Variants in LMBRD2 observed in about 807,000 individuals in gnomAD.
LMBRD2 encodes the protein LMBR1 domain containing 2.
A neutral mutation model predicts 94.4 loss-of-function variants in LMBRD2; 55 were observed. The ratio of observed to expected loss-of-function variants is 0.58; its 90% confidence interval spans 0.47 to 0.73. The LOEUF is 0.73. Ranked by LOEUF, LMBRD2 falls within the 30% of genes least tolerant of loss-of-function variation. The probability of loss-of-function intolerance (pLI) is 0.00; values close to 1 mark genes in which losing one functional copy is unlikely to be tolerated. For synonymous variants in LMBRD2, 246 were observed against 272.4 expected (o/e 0.90, Z 0.95); for missense variants, 640 against 831.9 (o/e 0.77, Z 2.84).
chr5:36,129,632 G>C (rs2111886939), intron 6 of LMBRD2, among the ~76,000 whole-genome samples: 1 of 152,242 alleles, frequency 6.6e-6, no homozygotes, highest in East Asian at 1.9e-4. Context: ...CGATCTGAAA[G>C]AAAAGGACAT....
At chr5:36,139,793 C>G (rs1744360689) in intron 4 of LMBRD2, among the ~76,000 whole-genome samples, 1 of 152,154 alleles carries the variant, frequency 6.6e-6, no homozygotes, top group Non-Finnish European at 1.5e-5. Flanking sequence ...GGACAACCTG[C>G]CTGCAGAAAG....
intron 17 of LMBRD2, 24 bp from the exon 18 acceptor site, chr5:36,104,130 G>T (rs1208247672): frequency 1.3e-6 from 2 of 1,566,916 alleles, no homozygotes; most frequent in Admixed American, 1.7e-5. Flanking sequence ...ATAAAGAAAT[G>T]ATCTGAGGCA....
rs138485444 is a variant in LMBRD2, at chr5:36,100,442, G to A, written c.*3604C>T. ...TAGTCAGAACTAGTTCCTTCTGAGC[G>A]TACCACTCATCAAAAACAACTCTGT... On this transcript the variant is annotated 3_prime_UTR_variant, in exon 18 of 18. Transcript: ENST00000296603. 3.6e-4 allele frequency: 55 copies of A among 151,972 alleles called. No homozygotes were observed. The highest frequency in any genetic ancestry group is 1.0e-3 in the South Asian group (5 of 4,818). The allele number at this position is 151,972 out of a possible 1,614,324, so 9.4% of individuals were successfully genotyped here.
In LMBRD2 at chr5:36,099,522, A is replaced by C. The variant is rs1743305475; in HGVS notation, c.*4524T>G. ...CGGAAGATGCTTGCCAGCATTGTTG[A>C]GAAATGCAGTTCCAAATTAGTAGGC... On this transcript the variant is annotated 3_prime_UTR_variant, in exon 18 of 18. Coordinates refer to ENST00000296603, the MANE Select transcript of LMBRD2 (RefSeq NM_001007527.2). The C allele has an allele frequency of 6.6e-6, 1 of 152,154 alleles. No homozygotes were observed. 9.4% of individuals were successfully genotyped at this position (152,154 alleles called of 1,614,324 possible).
chr5:36,128,110 G>A (rs1285413726), intron 6 of LMBRD2, among the ~76,000 whole-genome samples: 1 of 152,194 alleles, frequency 6.6e-6, no homozygotes, highest in Non-Finnish European at 1.5e-5. Flanking sequence ...AAGAATCTCT[G>A]CCTGGTGCTC....
At chr5:36,127,116 T>A (rs2111882249) in intron 6 of LMBRD2, among the ~76,000 whole-genome samples, 1 of 152,356 alleles carries the variant, frequency 6.6e-6, no homozygotes, top group East Asian at 1.9e-4. Flanking sequence ...TTTTCTACTC[T>A]AGAAAGTCAG....
intron 1 of LMBRD2, among the ~76,000 whole-genome samples, chr5:36,146,887 A>C (rs1744554361): frequency 6.6e-6 from 1 of 151,714 alleles, no homozygotes. Flanking sequence ...CAAACAAATT[A>C]ACATATCTAT....
intron 6 of LMBRD2, among the ~76,000 whole-genome samples, chr5:36,135,346 TA>T (rs1744246451): frequency 1.3e-5 from 2 of 152,220 alleles, no homozygotes; most frequent in Non-Finnish European, 2.9e-5. Flanking sequence ...AGGCAAATAG[TA>T]AGTCTATATA....
intron 6 of LMBRD2, among the ~76,000 whole-genome samples, chr5:36,125,132 A>G (rs1231025662): frequency 6.6e-6 from 1 of 152,204 alleles, no homozygotes; most frequent in Non-Finnish European, 1.5e-5. Flanking sequence ...AATTCTGAGT[A>G]TAAAAGGCAC....
At chr5:36,128,177 T>A (rs556638424) in intron 6 of LMBRD2, among the ~76,000 whole-genome samples, 2 of 152,192 alleles carry the variant, frequency 1.3e-5, no homozygotes, top group Admixed American at 6.5e-5. Context: ...ATCTCCAAGT[T>A]TGCAAGAACC....
intron 6 of LMBRD2, 109 bp from the exon 7 acceptor site, chr5:36,124,374 C>T (rs917632301): frequency 1.7e-6 from 1 of 593,720 alleles, no homozygotes; most frequent in African/African-American, 1.9e-5. Context: ...AACTTCAACA[C>T]AAATTACTTT....
At position 36,100,986 on chromosome 5, in the gene LMBRD2, C is replaced by T. The variant is rs904435423; in HGVS notation, c.*3060G>A. ...TAAATTTCAGAACTGATCATCTAAT[C>T]AAATAGTAGTCCAAAAAAATCAACT... On this transcript the variant is annotated 3_prime_UTR_variant, in exon 18 of 18. Coordinates refer to ENST00000296603, the MANE Select transcript of LMBRD2 (RefSeq NM_001007527.2). The T allele has an allele frequency of 6.6e-6, 1 of 151,960 alleles. No individual in the cohort carries two copies. Among genetic ancestry groups the T allele is most frequent in the Non-Finnish European group, 1.5e-5 (1 of 67,918 alleles). 9.4% of individuals were successfully genotyped at this position (151,960 alleles called of 1,614,324 possible). A position where few individuals can be genotyped will look rare whatever the true frequency, so the allele number is the denominator to read the frequency against.
At position 36,136,268 on chromosome 5, in the gene LMBRD2, T is replaced by A. The variant is rs1409847415; in HGVS notation, c.747+41A>T. ...AAAAATGACTAAAAGGGGATACATA[T>A]GACTTAGTGACTATTGCTTATAAGG... On this transcript the variant is annotated intron_variant, in intron 6 of 17. Transcript: ENST00000296603. 3.2e-6 allele frequency: 5 copies of A among 1,575,758 alleles called. No individual in the cohort carries two copies. The South Asian group carries it at 5.5e-5, about 17-fold the overall frequency.
intron 13 of LMBRD2, among the ~76,000 whole-genome samples, chr5:36,112,385 T>C (rs1743632672): frequency 6.6e-6 from 1 of 152,086 alleles, no homozygotes; most frequent in South Asian, 2.1e-4. Flanking sequence ...CAACTTATGC[T>C]CTCTAGGCAG....
At chr5:36,120,921 C>T (rs1467373388) in intron 9 of LMBRD2, among the ~76,000 whole-genome samples, 1 of 152,170 alleles carries the variant, frequency 6.6e-6, no homozygotes, top group Non-Finnish European at 1.5e-5. Context: ...AGTTACTTCT[C>T]ATCCACCTAA....
rs767587863 is a variant in LMBRD2, at chr5:36,137,266, T to C, written c.536+8A>G. 1 of 1,539,494 alleles carries C rather than the reference T, an allele frequency of 6.5e-7. No individual in the cohort carries two copies. Among genetic ancestry groups the C allele is most frequent in the African/African-American group, 1.4e-5 (1 of 73,464 alleles). On this transcript the variant is annotated splice_region_variant and intron_variant, in intron 5 of 17. Coordinates refer to ENST00000296603, the MANE Select transcript of LMBRD2 (RefSeq NM_001007527.2). The stretch of plus-strand genomic sequence containing the variant: ...TTAAAGCAATGTTAAGAAGACTACT[T>C]TTCTTACCATTCTAAATGTAAATGT...
rs1743383124 is a variant in LMBRD2, at chr5:36,103,250, C to A, written c.*796G>T. ...TTTTTCATTAATGCCTAGGATTTAT[C>A]CTTGAATATCATAATCAACATTTAA... On this transcript the variant is annotated 3_prime_UTR_variant, in exon 18 of 18. Transcript: ENST00000296603. 6.6e-6 allele frequency: 1 copy of A among 152,004 alleles called. No homozygotes were observed. The highest frequency in any genetic ancestry group is 1.5e-5 in the Non-Finnish European group (1 of 67,732). 9.4% of individuals were successfully genotyped at this position (152,004 alleles called of 1,614,324 possible).
chr5:36,100,977 T>C lies in LMBRD2; in HGVS notation c.*3069A>G, dbSNP rs1043111870. On this transcript the variant is annotated 3_prime_UTR_variant, in exon 18 of 18. Coordinates refer to ENST00000296603, the MANE Select transcript of LMBRD2 (RefSeq NM_001007527.2). Reference sequence around the variant, plus strand: ...CATGCAGCTTAAATTTCAGAACTGATCATCTAATCAAATAGTAGTCCAAAA... The same window carrying C: ...CATGCAGCTTAAATTTCAGAACTGACCATCTAATCAAATAGTAGTCCAAAA... 6.6e-6 allele frequency: 1 copy of C among 152,042 alleles called. No homozygotes were observed. The highest frequency in any genetic ancestry group is 2.4e-5 in the African/African-American group (1 of 41,446). The allele number at this position is 152,042 out of a possible 1,614,324, so 9.4% of individuals were successfully genotyped here.
intron 9 of LMBRD2, among the ~76,000 whole-genome samples, chr5:36,118,662 T>G (rs1743816504): frequency 6.6e-6 from 1 of 151,254 alleles, no homozygotes; most frequent in Non-Finnish European, 1.5e-5. Context: ...TTTGTTTTTT[T>G]TTTTTTGAGA....
Sources: gnomAD v4.1 joint callset for allele counts (sites outside exome capture counted in the v4.1 genomes callset) on GRCh38, gnomAD v4.1.1 for gene constraint, MANE v1.5 for transcripts, NCBI Gene and HGNC (gene_info 2026-07-23, HGNC 2026-07-21) for gene names.